ENTPD4: variants seen among roughly 807,000 people sequenced by gnomAD.
ENTPD4 encodes ectonucleoside triphosphate diphosphohydrolase 4.
Under a neutral mutation model 79.1 loss-of-function variants are expected in ENTPD4, and 60 were observed. The observed-to-expected ratio is 0.76, with a 90% confidence interval of 0.62 to 0.94. ENTPD4 has a LOEUF of 0.94. Among genes scored for constraint, ENTPD4 ranks in the 40% least tolerant of loss-of-function variants. The pLI is 0.00. For missense variants in ENTPD4, 772 were observed against 775.1 expected, an observed-to-expected ratio of 1.00 and a Z score of 0.05; for synonymous variants, 276 against 292.0, an observed-to-expected ratio of 0.95 and a Z score of 0.56.
At chr8:23,443,078 C>T (rs1206797675) in intron 6 of ENTPD4, among the ~76,000 whole-genome samples, 1 of 152,108 alleles carries the variant, frequency 6.6e-6, no homozygotes, top group East Asian at 1.9e-4. Context: ...CAGAGCCCCA[C>T]CCTTCCCATG....
At position 23,432,504 on chromosome 8, in the gene ENTPD4, A is replaced by ATT. The variant is rs11403204; in HGVS notation, c.*420_*421dup. 242,548 of 896,600 alleles carry ATT rather than the reference A, an allele frequency of 0.27. 12,185 individuals are homozygous for ATT. The highest frequency in any genetic ancestry group is 0.39 in the Admixed American group (6,431 of 16,528). The allele number at this position is 896,600 out of a possible 1,614,324, so 55.5% of individuals were successfully genotyped here. A position where few individuals can be genotyped will look rare whatever the true frequency, so the allele number is the denominator to read the frequency against. On this transcript the variant is annotated 3_prime_UTR_variant, in exon 13 of 13. Transcript: ENST00000358689. ...AGACAGCAGGGCTTATAAACAATGC[A>ATT]TTTTTTTTTTTTGAGACGGAGTCTC... is the stretch of plus-strand genomic sequence containing the variant.
At chr8:23,434,203 C>G in intron 12 of ENTPD4, 114 bp downstream of exon 12, 1 of 1,380,640 alleles carries the variant, frequency 7.2e-7, no homozygotes, top group South Asian at 1.3e-5. Context: ...ACAATTCTGC[C>G]GTGGCCGGCT....
At chr8:23,451,266 G>A (rs1400373551) in intron 1 of ENTPD4, among the ~76,000 whole-genome samples, 1 of 151,782 alleles carries the variant, frequency 6.6e-6, no homozygotes. Context: ...GTGATCTGCC[G>A]GCCTCAGCCT....
intron 7 of ENTPD4, 117 bp downstream of exon 7, chr8:23,441,890 A>T (rs1800677884): frequency 1.7e-6 from 2 of 1,143,884 alleles, no homozygotes; most frequent in Non-Finnish European, 2.6e-6. Flanking sequence ...AGCTGCTCTC[A>T]TTCTACTCCT....
chr8:23,447,791 G>A lies in ENTPD4; in HGVS notation c.301C>T (p.Arg101Ter). The change falls in exon 4 of 13, where the codon CGA (arginine) becomes TGA (stop). Residue 101 changes from arginine to a stop codon, truncating the protein, a stop_gained. Transcript: ENST00000358689. LOFTEE classifies it high-confidence loss of function. ...IVVDCGSSGS[R>*]VFVYCWPRHN... ...CTTGGCCAGCAGTAAACAAATACTC[G>A]AGACCCACTGCTACCACAGTCCACC... The A allele has an allele frequency of 2.5e-6, 4 of 1,614,048 alleles. No homozygotes were observed. Among genetic ancestry groups the A allele is most frequent in the Middle Eastern group, 3.3e-4 (2 of 6,060 alleles).
chr8:23,456,758 A>G (rs1800966296), intron 1 of ENTPD4, among the ~76,000 whole-genome samples: 2 of 152,278 alleles, frequency 1.3e-5, no homozygotes, highest in Non-Finnish European at 2.9e-5. Flanking sequence ...GCCTCTCTAA[A>G]GCTGGATAAT....
At chr8:23,453,381 C>A (rs529054010) in intron 1 of ENTPD4, among the ~76,000 whole-genome samples, 1 of 151,912 alleles carries the variant, frequency 6.6e-6, no homozygotes, top group Non-Finnish European at 1.5e-5. Context: ...TTAAAACAAA[C>A]AAAAAAATCC....
chr8:23,447,886 C>A lies in ENTPD4; in HGVS notation c.207-1G>T. The A allele has an allele frequency of 6.2e-7, 1 of 1,613,366 alleles. No homozygotes were observed. The highest frequency in any genetic ancestry group is 8.5e-7 in the Non-Finnish European group (1 of 1,179,310). ...AATGTCGGTAACTCGTGCCAGGTAC[C>A]TTGTATAGAAACACACGTATGCTTT... is the stretch of plus-strand genomic sequence containing the variant. On this transcript the variant is annotated splice_acceptor_variant, in intron 3 of 12. Coordinates refer to ENST00000358689, the MANE Select transcript of ENTPD4 (RefSeq NM_004901.5). LOFTEE classifies it high-confidence loss of function.
At chr8:23,444,215 T>C (rs575583024) in intron 5 of ENTPD4, among the ~76,000 whole-genome samples, 1 of 152,332 alleles carries the variant, frequency 6.6e-6, no homozygotes, top group South Asian at 2.1e-4. Context: ...TAAAATAGAT[T>C]AGGTTTTTAA....
rs761528927 is a variant in ENTPD4, at chr8:23,441,619, G to C, written c.832C>G (p.Gln278Glu). The C allele has an allele frequency of 3.7e-6, 6 of 1,614,088 alleles. No homozygotes were observed. In the East Asian group the frequency reaches 1.3e-4, roughly 36 times the overall value. Residue 278 changes from glutamine (Q) to glutamate (E), a missense_variant, in exon 8 of 13, where the codon CAG becomes GAG. Transcript: ENST00000358689. Reference sequence around the variant, plus strand: ...GTTTTGGGGACTTCGTACGCTATCTGAGTCGACACGCCGCCCATGTCGAGA... The same window carrying C: ...GTTTTGGGGACTTCGTACGCTATCTCAGTCGACACGCCGCCCATGTCGAGA... ...GILDMGGVST[Q>E]IAYEVPKTVS...
Position 23,429,799 on chromosome 8 carries a change from T to C in ENTPD4, c.*3127A>G. ...TCACTCCGCCCAGGTCAGAAAGCACTGCCTAAAGCCGGAGCTTAGGATGAA... is the reference window on the plus strand; with the variant it reads ...TCACTCCGCCCAGGTCAGAAAGCACCGCCTAAAGCCGGAGCTTAGGATGAA... On this transcript the variant is annotated 3_prime_UTR_variant, in exon 13 of 13. Coordinates refer to ENST00000358689, the MANE Select transcript of ENTPD4 (RefSeq NM_004901.5). The C allele has an allele frequency of 2.0e-6, 2 of 985,470 alleles. No individual in the cohort carries two copies. Among genetic ancestry groups the C allele is most frequent in the Non-Finnish European group, 2.4e-6 (2 of 829,934 alleles). 61.0% of individuals were successfully genotyped at this position (985,470 alleles called of 1,614,324 possible).
rs1476577871 is a variant in ENTPD4, at chr8:23,443,880, G to T, written c.637C>A (p.His213Asn). ...TGTTTCCCAGAAATTACTTCTGCAT[G>T]AGAGTCAGAAAACAGAAAGTCAAAG... is the stretch of plus-strand genomic sequence containing the variant. Reference protein sequence around the residue: ...VHFDFLFSDSHAEVISGKQEG... With the variant: ...VHFDFLFSDSNAEVISGKQEG... The change falls in exon 6 of 13, where the codon CAT becomes AAT. Residue 213 changes from histidine to asparagine, a missense_variant. Transcript: ENST00000358689. 6.2e-7 allele frequency: 1 copy of T among 1,613,152 alleles called. No individual in the cohort carries two copies. The highest frequency in any genetic ancestry group is 8.5e-7 in the Non-Finnish European group (1 of 1,179,154).
intron 9 of ENTPD4, among the ~76,000 whole-genome samples, chr8:23,438,732 A>C (rs533750086): frequency 3.2e-4 from 48 of 152,372 alleles, no homozygotes; most frequent in African/African-American, 1.0e-3. Context: ...CTAAATACCA[A>C]TTAAAAATAC....
Position 23,435,440 on chromosome 8 carries a change from C to A in ENTPD4, c.1412G>T (p.Arg471Leu), listed in dbSNP as rs777398169. 2 of 1,613,976 alleles carry A rather than the reference C, an allele frequency of 1.2e-6. No homozygotes were observed. The highest frequency in any genetic ancestry group is 1.6e-4 in the Middle Eastern group (1 of 6,078). ...AGAGGCGTACAGTCCTCGGTCAAAGCGTTCCCGCAAAATGGACCACTTTGT... is the reference window on the plus strand; with the variant it reads ...AGAGGCGTACAGTCCTCGGTCAAAGAGTTCCCGCAAAATGGACCACTTTGT... ...CATKWSILRE[R>L]FDRGLYASHA... The change falls in exon 11 of 13, where the codon CGC (arginine) becomes CTC (leucine). Residue 471 changes from arginine to leucine, a missense_variant. Coordinates refer to ENST00000358689, the MANE Select transcript of ENTPD4 (RefSeq NM_004901.5).
At chr8:23,436,748 A>T (rs753783006) in intron 10 of ENTPD4, among the ~76,000 whole-genome samples, 186 bp downstream of exon 10, 45 of 152,208 alleles carry the variant, frequency 3.0e-4, no homozygotes, top group Non-Finnish European at 4.9e-4. Flanking sequence ...AGCGTACAGT[A>T]CATTTTTTAC....
At chr8:23,449,248 C>T (rs933991252) in intron 2 of ENTPD4, among the ~76,000 whole-genome samples, 6 of 152,084 alleles carry the variant, frequency 3.9e-5, no homozygotes, top group Non-Finnish European at 7.4e-5. Context: ...AGACTGCTTA[C>T]GAGAATAACT....
At chr8:23,445,832 T>A (rs1037947019) in intron 4 of ENTPD4, among the ~76,000 whole-genome samples, 1 of 152,228 alleles carries the variant, frequency 6.6e-6, no homozygotes, top group African/African-American at 2.4e-5. Context: ...GTGCCCAGCA[T>A]GTATCTGCTG....
intron 4 of ENTPD4, 92 bp downstream of exon 4, chr8:23,447,588 G>T: frequency 9.8e-7 from 1 of 1,015,338 alleles, no homozygotes; most frequent in Non-Finnish European, 1.6e-6. Flanking sequence ...TTTGACTCAG[G>T]GCCATGGTGT....
chr8:23,437,400 C>T (rs1232575779), intron 9 of ENTPD4, 142 bp from the exon 10 acceptor site: 9 of 622,652 alleles, frequency 1.4e-5, no homozygotes, highest in South Asian at 1.1e-4. Context: ...AAAAGGGTTC[C>T]GAGATAATTA....
Sources: allele counts gnomAD v4.1 joint callset (sites outside exome capture counted in the v4.1 genomes callset), GRCh38; gene constraint gnomAD v4.1.1; transcripts MANE v1.5; gene names NCBI Gene and HGNC (gene_info 2026-07-23, HGNC 2026-07-21).